Variants in HELZ observed in about 807,000 individuals in gnomAD.
HELZ encodes helicase with zinc finger, also known as ATP-dependent RNA helicase with zinc finger domain.
A neutral mutation model predicts 218.2 loss-of-function variants in HELZ; 23 were observed. That is an observed-to-expected ratio of 0.11 (90% CI 0.08 to 0.15). HELZ has a LOEUF of 0.15. Among genes scored for constraint, HELZ ranks in the 10% least tolerant of loss-of-function variants. The probability of loss-of-function intolerance (pLI) is 1.00; values close to 1 mark genes in which losing one functional copy is unlikely to be tolerated. For synonymous variants in HELZ, 814 were observed against 829.4 expected, an observed-to-expected ratio of 0.98 and a Z score of 0.32; for missense variants, 1,813 against 2,353.7, an observed-to-expected ratio of 0.77 and a Z score of 4.75.
intron 19 of HELZ, 84 bp from the exon 20 acceptor site, chr17:67,148,798 T>C: frequency 7.9e-7 from 1 of 1,262,418 alleles, no homozygotes; most frequent in Non-Finnish European, 1.1e-6. Flanking sequence ...TCCACTATGC[T>C]AAAACTTCTT....
At chr17:67,202,455 G>C (rs1217839799) in intron 6 of HELZ, among the ~76,000 whole-genome samples, 1 of 151,986 alleles carries the variant, frequency 6.6e-6, no homozygotes, top group African/African-American at 2.4e-5. Context: ...AACCCCCTGT[G>C]AATAGCCACT....
rs2039808844 is a variant in HELZ at position 67,188,225 on chromosome 17, C to T, written c.1162+94G>A. The T allele has an allele frequency of 4.2e-6, 5 of 1,194,328 alleles. No individual in the cohort carries two copies. The South Asian group carries it at 7.5e-5, about 18-fold the overall frequency. The allele number at this position is 1,194,328 out of a possible 1,614,324, so 74.0% of individuals were successfully genotyped here. ...GGATTTTTTTCTTTATTACTATTCT[C>T]TTCCTATCCATGGAATATATTCAGG... On this transcript the variant is annotated intron_variant, in intron 12 of 32. Coordinates refer to ENST00000358691, the MANE Select transcript of HELZ (RefSeq NM_014877.4). This position sits in a 1 kb window ranked among gnomAD's most constrained non-coding sequence, Gnocchi z 4.1.
At chr17:67,241,395 G>C (rs956090045) in intron 2 of HELZ, among the ~76,000 whole-genome samples, 2 of 152,158 alleles carry the variant, frequency 1.3e-5, no homozygotes, top group African/African-American at 4.8e-5. Context: ...GACAATTATA[G>C]ACTAATCTAC....
rs2035866119 is a variant in HELZ at position 67,070,750 on chromosome 17, T to C, written c.*7502A>G. 6.6e-6 allele frequency: 1 copy of C among 152,220 alleles called. No homozygotes were observed. The highest frequency in any genetic ancestry group is 2.4e-5 in the African/African-American group (1 of 41,458). The allele number at this position is 152,220 out of a possible 1,614,324, so 9.4% of individuals were successfully genotyped here. The stretch of plus-strand genomic sequence containing the variant: ...AAACTCTTTAGGTATTAGAGCCTCT[T>C]AGATGAGGTATCATTTACTGCAAAG... On this transcript the variant is annotated 3_prime_UTR_variant, in exon 33 of 33. Transcript: ENST00000358691.
rs1286357118 is a variant in HELZ, at chr17:67,177,210, C to T, written c.1430+1449G>A. Among the ~76,000 whole-genome samples, 5 of 152,188 alleles carry T rather than the reference C, an allele frequency of 3.3e-5. No homozygotes were observed. The East Asian group carries it at 9.7e-4, about 29-fold the overall frequency. On this transcript the variant is annotated intron_variant, in intron 13 of 32. Transcript: ENST00000358691. Reference sequence around the variant, plus strand: ...ACAAGCAATCCATCCACCTCAGCCTCCCAAAGTGCTACAATTACAGGTGTG... The same window carrying T: ...ACAAGCAATCCATCCACCTCAGCCTTCCAAAGTGCTACAATTACAGGTGTG...
At chr17:67,237,160 CA>C (rs1015326813) in intron 3 of HELZ, among the ~76,000 whole-genome samples, 1 of 151,804 alleles carries the variant, frequency 6.6e-6, no homozygotes, top group Non-Finnish European at 1.5e-5. Flanking sequence ...ACCAACATGG[CA>C]AAGTCCCAAG....
intron 26 of HELZ, 111 bp from the exon 27 acceptor site, chr17:67,120,723 A>G: frequency 2.9e-6 from 2 of 678,328 alleles, no homozygotes; most frequent in Non-Finnish European, 5.2e-6. Flanking sequence ...AAACACACAC[A>G]CACACAGATG....
At chr17:67,234,319 AG>A (rs2041122309) in intron 3 of HELZ, among the ~76,000 whole-genome samples, 1 of 145,110 alleles carries the variant, frequency 6.9e-6, no homozygotes, top group Non-Finnish European at 1.5e-5. Flanking sequence ...GAAAGAAAAA[AG>A]AAAAAAAAAA....
intron 31 of HELZ, among the ~76,000 whole-genome samples, chr17:67,099,007 G>A (rs1175316318): frequency 2.6e-5 from 4 of 152,220 alleles, no homozygotes; most frequent in African/African-American, 9.6e-5. Flanking sequence ...AAAAACATCT[G>A]TAGCCTACAA....
At chr17:67,207,212 T>C (rs1479728321) in intron 5 of HELZ, among the ~76,000 whole-genome samples, 1 of 64,842 alleles carries the variant, frequency 1.5e-5, no homozygotes, top group Non-Finnish European at 2.7e-5. Flanking sequence ...ACGCCCGGCC[T>C]TTTTTTTTTT....
intron 5 of HELZ, among the ~76,000 whole-genome samples, 166 bp from the exon 6 acceptor site, chr17:67,203,609 A>C (rs562686036): frequency 1.3e-5 from 2 of 152,378 alleles, no homozygotes; most frequent in South Asian, 4.1e-4. Context: ...CAAAACAGGC[A>C]TATAAGAACA....
intron 17 of HELZ, among the ~76,000 whole-genome samples, 186 bp downstream of exon 17, chr17:67,160,075 A>G (rs1328063321): frequency 2.0e-5 from 3 of 152,196 alleles, no homozygotes; most frequent in Non-Finnish European, 4.4e-5. Flanking sequence ...TTAATGTTTA[A>G]GAAATGAATA....
chr17:67,215,969 T>C, intron 4 of HELZ, 34 bp from the exon 5 acceptor site: 6 of 1,228,850 alleles, frequency 4.9e-6, no homozygotes, highest in East Asian at 2.4e-5. Flanking sequence ...AAATTAAGTA[T>C]TTCAAGAGCT....
intron 17 of HELZ, among the ~76,000 whole-genome samples, chr17:67,154,016 G>A (rs2038766571): frequency 6.6e-6 from 1 of 152,176 alleles, no homozygotes; most frequent in Non-Finnish European, 1.5e-5. Context: ...TTTGTTACTA[G>A]GCTCTTGTCT....
intron 23 of HELZ, among the ~76,000 whole-genome samples, chr17:67,133,680 A>G (rs1012289512): frequency 2.0e-5 from 3 of 152,050 alleles, no homozygotes; most frequent in South Asian, 2.1e-4. Context: ...ACACGCAGCT[A>G]AAGTTTGTAT....
chr17:67,149,712 A>C (rs1301478906), intron 19 of HELZ, among the ~76,000 whole-genome samples, 155 bp downstream of exon 19: 1 of 152,262 alleles, frequency 6.6e-6, no homozygotes, highest in Non-Finnish European at 1.5e-5. Context: ...TTTTCTTCAG[A>C]AATAACAGTA....
rs1383621826 is a variant in HELZ, at chr17:67,189,706, G to A, written c.757-10C>T. ...CTATACATTCACTAAGCTGAAAACA[G>A]ACAGCAATTTATGTTATGTTTTTAT... On this transcript the variant is annotated splice_polypyrimidine_tract_variant and intron_variant, in intron 10 of 32. Coordinates refer to ENST00000358691, the MANE Select transcript of HELZ (RefSeq NM_014877.4). 1.3e-6 allele frequency: 2 copies of A among 1,529,270 alleles called. No homozygotes were observed. The highest frequency in any genetic ancestry group is 9.1e-7 in the Non-Finnish European group (1 of 1,103,820). 94.7% of individuals were successfully genotyped at this position (1,529,270 alleles called of 1,614,324 possible). A position where few individuals can be genotyped will look rare whatever the true frequency, so the allele number is the denominator to read the frequency against.
At chr17:67,207,211 CTTTTTTTTTTTT>C (rs61019173) in intron 5 of HELZ, among the ~76,000 whole-genome samples, 1,206 of 75,560 alleles carry the variant, frequency 0.016, 30 homozygotes, top group South Asian at 0.031. Flanking sequence ...CACGCCCGGC[CTTTTTTTTTTTT>C]TTTTTTTTTT....
intron 17 of HELZ, among the ~76,000 whole-genome samples, chr17:67,158,941 T>C (rs534053130): frequency 8.5e-4 from 130 of 152,224 alleles, no homozygotes; most frequent in African/African-American, 2.9e-3. Flanking sequence ...CGACCGAGAT[T>C]TGAGGGGGCT....
Sources: gnomAD v4.1 joint callset for allele counts (sites outside exome capture counted in the v4.1 genomes callset) on GRCh38, gnomAD v4.1.1 for gene constraint, Gnocchi (gnomAD v3.1) non-coding constraint, MANE v1.5 for transcripts, NCBI Gene and HGNC (gene_info 2026-07-23, HGNC 2026-07-21) for gene names.